Variants in ZFHX3 observed in about 807,000 individuals in gnomAD.
The protein encoded by ZFHX3 is zinc finger homeobox protein 3.
ZFHX3 carries 42 observed loss-of-function variants against 279.1 expected under a neutral mutation model. The ratio of observed to expected loss-of-function variants is 0.15; its 90% CI spans 0.12 to 0.19. The LOEUF is 0.19. Ranked by LOEUF, ZFHX3 falls within the 10% of genes least tolerant of loss-of-function variation. The pLI is 1.00. For missense variants in ZFHX3, 4,981 were observed against 4,754.0 expected (o/e 1.05, Z -1.40); for synonymous variants, 2,293 against 1,957.8 (o/e 1.17, Z -4.52).
At chr16:73,653,707 G>T (rs1008235155) in intron 2 of ZFHX3, among the ~76,000 whole-genome samples, 7 of 151,800 alleles carry the variant, frequency 4.6e-5, no homozygotes, top group African/African-American at 1.5e-4. Context: ...GGGAGTGAAA[G>T]TAAAATAGTA....
chr16:72,868,373 C>A (rs544937268), intron 4 of ZFHX3, among the ~76,000 whole-genome samples: 8 of 152,186 alleles, frequency 5.3e-5, no homozygotes, highest in Non-Finnish European at 8.8e-5. Flanking sequence ...TGCTCTCTTC[C>A]CCATTTCTCC....
intron 1 of ZFHX3, among the ~76,000 whole-genome samples, chr16:73,870,928 T>A (rs149911157): frequency 1.2e-4 from 19 of 152,314 alleles, no homozygotes; most frequent in South Asian, 4.1e-4. Flanking sequence ...GCAATTTTTT[T>A]AATCTGAATC....
At chr16:73,212,171 A>AT (rs11423737) in intron 5 of ZFHX3, among the ~76,000 whole-genome samples, 29,170 of 151,610 alleles carry the variant, frequency 0.19, 4,591 homozygotes, top group East Asian at 0.46. Context: ...AAGAAAAAAA[A>AT]AAAAGCACCC....
chr16:73,786,635 G>C (rs116741059), intron 1 of ZFHX3, among the ~76,000 whole-genome samples: 1 of 152,132 alleles, frequency 6.6e-6, no homozygotes, highest in Non-Finnish European at 1.5e-5. Flanking sequence ...CAATATTTCA[G>C]ATGCCAACCT....
intron 2 of ZFHX3, among the ~76,000 whole-genome samples, chr16:73,516,671 T>C (rs2019527815): frequency 6.6e-6 from 1 of 152,174 alleles, no homozygotes; most frequent in Non-Finnish European, 1.5e-5. Flanking sequence ...TCTCCTCTAA[T>C]CAATTTCTTC....
chr16:73,005,439 G>A (rs1165972278), intron 1 of ZFHX3, among the ~76,000 whole-genome samples: 1 of 152,120 alleles, frequency 6.6e-6, no homozygotes, highest in Non-Finnish European at 1.5e-5. Context: ...AGGTTACAGT[G>A]AGCCAAGATC....
chr16:72,783,710 AC>A lies in ZFHX3; in HGVS notation c.*3453del, dbSNP rs1299487884. The stretch of plus-strand genomic sequence containing the variant: ...TGGGTCAGACTGGTGTCTAGCACCA[AC>A]CCACACTATAGGGAGAAAACCAAAA... On this transcript the variant is annotated 3_prime_UTR_variant, in exon 10 of 10. Coordinates refer to ENST00000268489, the MANE Select transcript of ZFHX3 (RefSeq NM_006885.4). 2 of 152,218 alleles carry A rather than the reference AC, an allele frequency of 1.3e-5. No homozygotes were observed. Among genetic ancestry groups the A allele is most frequent in the African/African-American group, 4.8e-5 (2 of 41,466 alleles). The allele number at this position is 152,218 out of a possible 1,614,324, so 9.4% of individuals were successfully genotyped here.
intron 4 of ZFHX3, among the ~76,000 whole-genome samples, chr16:73,266,896 C>G (rs2013992035): frequency 6.6e-6 from 1 of 152,194 alleles, no homozygotes; most frequent in African/African-American, 2.4e-5. Flanking sequence ...ACTTCTTTTT[C>G]TTTATAAATT....
At chr16:73,509,834 C>T (rs10445053) in intron 2 of ZFHX3, among the ~76,000 whole-genome samples, 38,499 of 149,586 alleles carry the variant, frequency 0.26, 5,826 homozygotes, top group Non-Finnish European at 0.36. Context: ...TAGCTGGGAT[C>T]ATAGGGACCC....
chr16:73,450,085 T>G (rs145592422), intron 3 of ZFHX3, among the ~76,000 whole-genome samples: 1 of 152,328 alleles, frequency 6.6e-6, no homozygotes, highest in African/African-American at 2.4e-5. Flanking sequence ...ATATACACTG[T>G]GTACTGATTA....
intron 4 of ZFHX3, among the ~76,000 whole-genome samples, chr16:72,871,014 A>C (rs565339262): frequency 6.6e-6 from 1 of 152,312 alleles, no homozygotes; most frequent in African/African-American, 2.4e-5. Flanking sequence ...ATTTCTATTT[A>C]TTCTCCGTCT....
intron 2 of ZFHX3, among the ~76,000 whole-genome samples, chr16:73,675,555 T>C (rs2052946048): frequency 6.6e-6 from 1 of 152,068 alleles, no homozygotes; most frequent in African/African-American, 2.4e-5. Flanking sequence ...CCTATCAGTT[T>C]CACTGCCTTT....
rs985839238 is a variant in ZFHX3 at position 73,485,812 on chromosome 16, A to G, written c.-1546-29554T>C. Among the ~76,000 whole-genome samples the G allele has an allele frequency of 2.6e-5, 4 of 152,144 alleles. No homozygotes were observed. In the East Asian group the frequency reaches 7.7e-4, roughly 29 times the overall value. On this transcript the variant is annotated intron_variant, in intron 2 of 17. Transcript: ENST00000641206. ...TTCCTCAGGTCACTGCTTAGATACT[A>G]CTTCCCCCACACAGCCTTCCAGCCT... is the stretch of plus-strand genomic sequence containing the variant.
chr16:73,404,553 T>A (rs1002015622), intron 3 of ZFHX3, among the ~76,000 whole-genome samples: 3 of 152,084 alleles, frequency 2.0e-5, no homozygotes, highest in Admixed American at 6.5e-5. Flanking sequence ...TATATGAAGA[T>A]AGGCAGAGCT....
chr16:72,798,750 A>G (rs1386331565), intron 8 of ZFHX3, 36 bp from the exon 9 acceptor site: 1 of 1,511,804 alleles, frequency 6.6e-7, no homozygotes, highest in East Asian at 2.3e-5. Context: ...ACCCAAAGAT[A>G]AAGAAGGCTT....
At chr16:73,594,341 A>G (rs1192842606) in intron 2 of ZFHX3, among the ~76,000 whole-genome samples, 1 of 152,258 alleles carries the variant, frequency 6.6e-6, no homozygotes, top group Non-Finnish European at 1.5e-5. Context: ...TGCCATATTT[A>G]TAAATGGGAA....
intron 4 of ZFHX3, among the ~76,000 whole-genome samples, chr16:72,870,410 G>GA: frequency 7.2e-6 from 1 of 138,404 alleles, no homozygotes. Context: ...TAAAAAAAAA[G>GA]AAAAAAGAAA....
At chr16:73,591,499 G>A (rs1035620158) in intron 2 of ZFHX3, among the ~76,000 whole-genome samples, 1 of 151,140 alleles carries the variant, frequency 6.6e-6, no homozygotes, top group Non-Finnish European at 1.5e-5. Context: ...CGATATCATC[G>A]TGGCTAACTC....
chr16:73,066,528 G>T (rs1965756351), intron 8 of ZFHX3, among the ~76,000 whole-genome samples: 1 of 152,072 alleles, frequency 6.6e-6, no homozygotes. Flanking sequence ...CAGAGTCGCC[G>T]CACTGGGACC....
Sources: gnomAD v4.1 joint callset for allele counts (sites outside exome capture counted in the v4.1 genomes callset) on GRCh38, gnomAD v4.1.1 for gene constraint, MANE v1.5 for transcripts, NCBI Gene and HGNC (gene_info 2026-07-23, HGNC 2026-07-21) for gene names.